Variants in CSMD1 observed in about 807,000 individuals in gnomAD.
CSMD1 encodes CUB and sushi domain-containing protein 1.
In CSMD1, 213 loss-of-function variants were observed where a neutral mutation model predicts 417.5. The ratio of observed to expected loss-of-function variants is 0.51; its 90% CI spans 0.46 to 0.57. The LOEUF (loss-of-function observed/expected upper bound fraction) is 0.57. Ranked by LOEUF, CSMD1 falls within the 20% of genes least tolerant of loss-of-function variation. The pLI, the probability that CSMD1 is intolerant of heterozygous loss-of-function variation, is 0.00. For missense variants in CSMD1, 6,923 were observed against 4,529.7 expected, an observed-to-expected ratio of 1.53 and a Z score of -15.17; for synonymous variants, 2,862 against 1,736.8, an observed-to-expected ratio of 1.65 and a Z score of -16.11.
chr8:3,515,464 A>G (rs938731835), intron 10 of CSMD1: 2 of 151,950 alleles, frequency 1.3e-5, no homozygotes, highest in Non-Finnish European at 2.9e-5. Context: ...AGAGGAATAC[A>G]CACAATTATT....
intron 1 of CSMD1, among the ~76,000 whole-genome samples, chr8:4,734,608 T>C (rs1810108251): frequency 6.6e-6 from 1 of 152,236 alleles, no homozygotes; most frequent in Admixed American, 6.5e-5. Flanking sequence ...ACAACTATAC[T>C]GTATAACATT....
intron 3 of CSMD1, among the ~76,000 whole-genome samples, chr8:4,311,888 A>G (rs1409240096): frequency 2.0e-5 from 3 of 152,058 alleles, no homozygotes; most frequent in Non-Finnish European, 4.4e-5. Context: ...GTGATCAAAT[A>G]ATACATGCAA....
Position 3,101,546 on chromosome 8 carries a change from C to T in CSMD1, c.6950-4509G>A, listed in dbSNP as rs189920670. ...CACACCATTCTCCTGCCTCAGCCTC[C>T]GGAGTAGCTGGGACTACAGGGGCCC... On this transcript the variant is annotated intron_variant, in intron 46 of 69. Coordinates refer to ENST00000635120, the MANE Select transcript of CSMD1 (RefSeq NM_033225.6). Among the ~76,000 whole-genome samples the T allele has an allele frequency of 2.3e-3, 346 of 152,142 alleles. 2 individuals carry two copies. Among genetic ancestry groups the T allele is most frequent in the African/African-American group, 7.9e-3 (329 of 41,514 alleles).
intron 3 of CSMD1, among the ~76,000 whole-genome samples, chr8:4,157,582 T>G (rs945547270): frequency 1.3e-5 from 2 of 152,118 alleles, no homozygotes; most frequent in African/African-American, 4.8e-5. Context: ...GCTAAGACCC[T>G]CTGCCGGTCA....
chr8:3,538,232 A>AATGGCACACCTGAG (rs1798285079), intron 10 of CSMD1, among the ~76,000 whole-genome samples: 1 of 152,260 alleles, frequency 6.6e-6, no homozygotes. Flanking sequence ...ACTGAGTAGC[A>AATGGCACACCTGAG]ATGGCACACC....
chr8:4,625,007 C>G (rs1802016161), intron 2 of CSMD1, among the ~76,000 whole-genome samples: 1 of 152,142 alleles, frequency 6.6e-6, no homozygotes, highest in African/African-American at 2.4e-5. Flanking sequence ...ATTCAGCGTG[C>G]TTGCCGCTTA....
At chr8:3,888,248 T>C (rs1299226705) in intron 5 of CSMD1, among the ~76,000 whole-genome samples, 1 of 152,204 alleles carries the variant, frequency 6.6e-6, no homozygotes, top group African/African-American at 2.4e-5. Context: ...CAAAATGTGA[T>C]GATCTGCTAA....
chr8:4,845,659 G>C (rs1016846381), intron 1 of CSMD1, among the ~76,000 whole-genome samples: 1 of 152,152 alleles, frequency 6.6e-6, no homozygotes, highest in Non-Finnish European at 1.5e-5. Flanking sequence ...GCACAGACGG[G>C]AAAGAAAGAT....
At position 4,648,913 on chromosome 8, in the gene CSMD1, ATCAATTTCAG is replaced by A. The variant is rs1335665643; in HGVS notation, c.86-11365_86-11356del. ...AGAGTGTGCTTCCGCATATACGTAA[ATCAATTTCAG>A]TCTGCAATGAAGCCAGCACTTCCTT... On this transcript the variant is annotated intron_variant, in intron 1 of 69. Coordinates refer to ENST00000635120, the MANE Select transcript of CSMD1 (RefSeq NM_033225.6). 2.0e-5 allele frequency among the ~76,000 whole-genome samples: 3 copies of A among 152,312 alleles called. No homozygotes were observed. In the East Asian group the frequency reaches 5.8e-4, roughly 29 times the overall value.
At position 3,501,253 on chromosome 8, in the gene CSMD1, C is replaced by T. The variant is rs141088913; in HGVS notation, c.1345-7527G>A. Among the ~76,000 whole-genome samples, 151 of 152,252 alleles carry T rather than the reference C, an allele frequency of 9.9e-4. 3 individuals are homozygous for T. In the Middle Eastern group the frequency reaches 0.014, roughly 14 times the overall value. Reference sequence around the variant, plus strand: ...ATGTGCATACACACATGCTCACACACACAGGCACAGAAACACACATGCACA... The same window carrying T: ...ATGTGCATACACACATGCTCACACATACAGGCACAGAAACACACATGCACA... On this transcript the variant is annotated intron_variant, in intron 10 of 69. Coordinates refer to ENST00000635120, the MANE Select transcript of CSMD1 (RefSeq NM_033225.6).
intron 5 of CSMD1, among the ~76,000 whole-genome samples, chr8:3,889,784 A>G (rs908352084): frequency 1.3e-5 from 2 of 152,054 alleles, no homozygotes; most frequent in Admixed American, 1.3e-4. Flanking sequence ...AGAGAATTAT[A>G]TAGGTATCCC....
At chr8:3,138,413 T>G (rs896680085) in intron 41 of CSMD1, among the ~76,000 whole-genome samples, 1 of 152,170 alleles carries the variant, frequency 6.6e-6, no homozygotes, top group East Asian at 1.9e-4. Flanking sequence ...CACTCCAATT[T>G]CATCACTGAA....
At position 3,745,956 on chromosome 8, in the gene CSMD1, C is replaced by G. The variant is rs559023509; in HGVS notation, c.931+7974G>C. ...CGGGGGGAAAGGCCAGACTTCATGA[C>G]CAGTTGGTCAATGTAAATGCTGAAG... On this transcript the variant is annotated intron_variant, in intron 6 of 69. Transcript: ENST00000635120. Among the ~76,000 whole-genome samples, 49 of 152,310 alleles carry G rather than the reference C, an allele frequency of 3.2e-4. No individual in the cohort carries two copies. The South Asian group carries it at 0.01, about 32-fold the overall frequency.
chr8:3,201,038 G>A (rs1796964259), intron 32 of CSMD1, among the ~76,000 whole-genome samples: 1 of 152,186 alleles, frequency 6.6e-6, no homozygotes, highest in South Asian at 2.1e-4. Flanking sequence ...GGCATTGGGT[G>A]CATACCGTGT....
chr8:4,174,925 C>G (rs892424051), intron 3 of CSMD1, among the ~76,000 whole-genome samples: 1 of 150,948 alleles, frequency 6.6e-6, no homozygotes, highest in African/African-American at 2.4e-5. Flanking sequence ...GAACTGATGT[C>G]AACTCCTTAA....
At chr8:4,631,589 T>C (rs750049862) in intron 2 of CSMD1, among the ~76,000 whole-genome samples, 14 of 152,190 alleles carry the variant, frequency 9.2e-5, no homozygotes, top group Admixed American at 3.9e-4. Flanking sequence ...ATATATTTTA[T>C]GTTAGGTAGG....
At chr8:4,523,278 C>G (rs919355938) in intron 2 of CSMD1, among the ~76,000 whole-genome samples, 7 of 152,146 alleles carry the variant, frequency 4.6e-5, no homozygotes, top group Admixed American at 6.5e-5. Context: ...ATTTGCCATA[C>G]CTGGTTTTTA....
chr8:3,018,299 C>T (rs1374865536), intron 52 of CSMD1, among the ~76,000 whole-genome samples, 178 bp downstream of exon 52: 9 of 152,082 alleles, frequency 5.9e-5, no homozygotes, highest in Admixed American at 3.3e-4. Flanking sequence ...ATTCATTGCT[C>T]GGATTAAAAA....
chr8:4,590,559 T>C (rs930470837), intron 2 of CSMD1, among the ~76,000 whole-genome samples: 1 of 152,000 alleles, frequency 6.6e-6, no homozygotes, highest in Non-Finnish European at 1.5e-5. Context: ...CCTATATGCT[T>C]TTAAAAATAA....
Sources: allele counts gnomAD v4.1 joint callset (sites outside exome capture counted in the v4.1 genomes callset), GRCh38; gene constraint gnomAD v4.1.1; transcripts MANE v1.5; gene names NCBI Gene and HGNC (gene_info 2026-07-23, HGNC 2026-07-21).